The following RP1 variants were observed in gnomAD, a reference collection of about 807,000 sequenced individuals.
RP1 encodes the protein oxygen-regulated protein 1.
RP1 carries 16 observed loss-of-function variants against 14.8 expected under a neutral mutation model. The ratio of observed to expected loss-of-function variants is 1.08; its 90% confidence interval spans 0.73 to 1.65. The LOEUF (loss-of-function observed/expected upper bound fraction) is 1.65, where lower values mean the gene tolerates loss of function less well. RP1 is among the 40% of genes most tolerant of loss of function. The pLI is 0.00. For missense variants in RP1, 2,631 were observed against 2,535.0 expected, an observed-to-expected ratio of 1.04 and a Z score of -0.81; for synonymous variants, 876 against 883.6, an observed-to-expected ratio of 0.99 and a Z score of 0.15.
chr8:54,703,897 T>C (rs1476085739), intron 14 of RP1, among the ~76,000 whole-genome samples: 1 of 152,178 alleles, frequency 6.6e-6, no homozygotes, highest in African/African-American at 2.4e-5. Context: ...TTCAACCTTT[T>C]CTCCTGAAGC....
At chr8:54,807,805 G>A (rs1322671677) in intron 24 of RP1, among the ~76,000 whole-genome samples, 1 of 152,078 alleles carries the variant, frequency 6.6e-6, no homozygotes, top group Non-Finnish European at 1.5e-5. Context: ...TGAACCCAAA[G>A]AAAATCTGCA....
intron 12 of RP1, among the ~76,000 whole-genome samples, chr8:54,692,985 A>C (rs982625845): frequency 4.6e-5 from 7 of 152,014 alleles, no homozygotes; most frequent in African/African-American, 1.7e-4. Flanking sequence ...ATCTTGAATT[A>C]ATTTTTGTAT....
At chr8:54,851,509 GAGA>G (rs1285089391) in intron 25 of RP1, among the ~76,000 whole-genome samples, 1 of 152,168 alleles carries the variant, frequency 6.6e-6, no homozygotes, top group Admixed American at 6.5e-5. Context: ...AGAATTTTAG[GAGA>G]AGTTTTCACT....
chr8:54,729,882 A>G (rs1179103083), intron 17 of RP1, among the ~76,000 whole-genome samples: 1 of 152,102 alleles, frequency 6.6e-6, no homozygotes, highest in Non-Finnish European at 1.5e-5. Context: ...GAATTACAAG[A>G]TAATGAATTA....
intron 24 of RP1, among the ~76,000 whole-genome samples, chr8:54,823,740 TA>T (rs1168568535): frequency 6.6e-6 from 1 of 152,224 alleles, no homozygotes; most frequent in Admixed American, 6.5e-5. Context: ...TTGGGGCTGT[TA>T]TAAATAAAGA....
Position 54,630,183 on chromosome 8 carries a change from G to T in RP1, c.6301G>T (p.Gly2101Cys). ...INCHYFFEMLGQACLLDICQV... is the reference protein window; with the variant it reads ...INCHYFFEMLCQACLLDICQV... ...CTGTCATTACTTCTTTGAAATGCTT[G>T]GTCAAGCTTGCCTCTTAGATATTTG... The change falls in exon 4 of 4, where the codon GGT becomes TGT. Residue 2101 changes from glycine (G) to cysteine (C), a missense_variant. Gly to Cys is a radical substitution (Grantham distance 159, BLOSUM62 -3). Coordinates refer to ENST00000220676, the MANE Select transcript of RP1 (RefSeq NM_006269.2). 6.2e-7 allele frequency: 1 copy of T among 1,613,566 alleles called. No individual in the cohort carries two copies. The highest frequency in any genetic ancestry group is 8.5e-7 in the Non-Finnish European group (1 of 1,179,916).
At chr8:54,671,174 C>A (rs1448156752) in intron 7 of RP1, among the ~76,000 whole-genome samples, 1 of 151,944 alleles carries the variant, frequency 6.6e-6, no homozygotes, top group African/African-American at 2.4e-5. Context: ...TGCCCTTTAG[C>A]CTGCATGGTT....
At position 54,626,766 on chromosome 8, in the gene RP1, G is replaced by A; in HGVS notation, c.2884G>A (p.Gly962Arg). ...FSGNDPHTNS[G>R]KISNFVMESN... Reference sequence around the variant, plus strand: ...AGGGAATGATCCCCATACAAATTCTGGAAAAATAAGTAATTTTGTTATGGA... The same window carrying A: ...AGGGAATGATCCCCATACAAATTCTAGAAAAATAAGTAATTTTGTTATGGA... Residue 962 changes from glycine to arginine, a missense_variant, in exon 4 of 4, where the codon GGA (glycine) becomes AGA (arginine). Coordinates refer to ENST00000220676, the MANE Select transcript of RP1 (RefSeq NM_006269.2). The A allele has an allele frequency of 1.2e-6, 2 of 1,613,694 alleles. No homozygotes were observed. The highest frequency in any genetic ancestry group is 1.7e-6 in the Non-Finnish European group (2 of 1,179,910).
Position 54,629,975 on chromosome 8 carries a change from G to A in RP1, c.6093G>A (p.Arg2031=), listed in dbSNP as rs1806205752. 1 of 1,613,496 alleles carries A rather than the reference G, an allele frequency of 6.2e-7. No individual in the cohort carries two copies. The highest frequency in any genetic ancestry group is 1.3e-5 in the African/African-American group (1 of 74,926). ...LKKFQPDLKE[R]FCMNFLHTSL... is the part of the protein sequence containing the mutation. Reference sequence around the variant, plus strand: ...AATTTCAACCAGATTTGAAGGAAAGGTTTTGTATGAATTTCTTGCACACAT... The same window carrying A: ...AATTTCAACCAGATTTGAAGGAAAGATTTTGTATGAATTTCTTGCACACAT... Residue 2031 remains arginine (R), a synonymous_variant, in exon 4 of 4, where the codon AGG becomes AGA. Coordinates refer to ENST00000220676, the MANE Select transcript of RP1 (RefSeq NM_006269.2).
upstream of RP1, among the ~76,000 whole-genome samples, chr8:54,615,581 T>C (rs1427511892): frequency 1.3e-5 from 2 of 152,226 alleles, no homozygotes; most frequent in East Asian, 3.8e-4. Flanking sequence ...CATTTCATCG[T>C]GTGCTGCTTC....
chr8:54,840,473 G>A (rs1487060895), intron 25 of RP1, among the ~76,000 whole-genome samples: 2 of 151,566 alleles, frequency 1.3e-5, no homozygotes, highest in African/African-American at 2.4e-5. Context: ...GGCTGGTCTC[G>A]AACTCCTGAC....
chr8:54,709,726 A>C (rs78741387), intron 15 of RP1, among the ~76,000 whole-genome samples: 1 of 152,334 alleles, frequency 6.6e-6, no homozygotes, highest in Non-Finnish European at 1.5e-5. Flanking sequence ...GCTAGGTTAC[A>C]TGAGCCTTGT....
chr8:54,809,087 A>T (rs920006716), intron 24 of RP1, among the ~76,000 whole-genome samples: 8 of 152,188 alleles, frequency 5.3e-5, no homozygotes, highest in African/African-American at 1.9e-4. Context: ...ATGTTCCTTA[A>T]CAATTTAGCT....
intron 8 of RP1, among the ~76,000 whole-genome samples, chr8:54,674,279 T>A (rs1247440971): frequency 6.6e-6 from 1 of 152,122 alleles, no homozygotes; most frequent in Non-Finnish European, 1.5e-5. Context: ...GGTGGTGATA[T>A]TCCTTGAAGG....
chr8:54,698,830 T>G (rs1807937745), intron 12 of RP1, among the ~76,000 whole-genome samples: 2 of 151,574 alleles, frequency 1.3e-5, no homozygotes, highest in Admixed American at 1.3e-4. Context: ...TAAGTGGGAG[T>G]TGAACAATGA....
intron 9 of RP1, chr8:54,679,306 A>C: frequency 1.1e-6 from 1 of 892,270 alleles, no homozygotes; most frequent in South Asian, 1.6e-5. Context: ...AGAGCCAGAT[A>C]GCCACGTCTT....
At chr8:54,751,876 C>G (rs1249987640) in intron 19 of RP1, among the ~76,000 whole-genome samples, 1 of 152,204 alleles carries the variant, frequency 6.6e-6, no homozygotes, top group South Asian at 2.1e-4. Context: ...ACTTAGAGCC[C>G]TCACTGTGGA....
At chr8:54,684,601 A>T (rs952108386) in intron 12 of RP1, among the ~76,000 whole-genome samples, 1 of 152,048 alleles carries the variant, frequency 6.6e-6, no homozygotes, top group Non-Finnish European at 1.5e-5. Flanking sequence ...GTGTACATAG[A>T]GGTGTTTATA....
At chr8:54,647,714 G>A (rs1806576593) in intron 3 of RP1, among the ~76,000 whole-genome samples, 1 of 150,832 alleles carries the variant, frequency 6.6e-6, no homozygotes, top group African/African-American at 2.4e-5. Flanking sequence ...TTTGAGATAG[G>A]TTCTTGCTCT....
Sources: gnomAD v4.1 joint callset for allele counts (sites outside exome capture counted in the v4.1 genomes callset) on GRCh38, gnomAD v4.1.1 for gene constraint, MANE v1.5 for transcripts, NCBI Gene and HGNC (gene_info 2026-07-23, HGNC 2026-07-21) for gene names.